Variants in GRM7 observed in about 807,000 individuals in gnomAD.
GRM7 encodes the protein metabotropic glutamate receptor 7.
GRM7 carries 35 observed loss-of-function variants against 84.5 expected under a neutral mutation model. That is an observed-to-expected ratio of 0.41 (90% confidence interval 0.32 to 0.55). The LOEUF (loss-of-function observed/expected upper bound fraction) is 0.55. Ranked by LOEUF, GRM7 falls within the 20% of genes least tolerant of loss-of-function variation. The pLI is 0.19. For synonymous variants in GRM7, 487 were observed against 455.1 expected (o/e 1.07, Z -0.89); for missense variants, 1,003 against 1,194.6 (o/e 0.84, Z 2.36).
chr3:7,192,263 G>A (rs1302609791), intron 2 of GRM7, among the ~76,000 whole-genome samples: 1 of 152,056 alleles, frequency 6.6e-6, no homozygotes, highest in South Asian at 2.1e-4. Flanking sequence ...TCTAATTTAG[G>A]TGGTACAAGG....
intron 2 of GRM7, among the ~76,000 whole-genome samples, chr3:7,158,401 C>T (rs1003144658): frequency 2.6e-5 from 4 of 152,058 alleles, no homozygotes; most frequent in African/African-American, 7.2e-5. Context: ...TTTACTCAAG[C>T]GGTGTCCTCT....
intron 1 of GRM7, among the ~76,000 whole-genome samples, chr3:7,097,577 G>A (rs1416853126): frequency 6.6e-6 from 1 of 151,974 alleles, no homozygotes; most frequent in Non-Finnish European, 1.5e-5. Context: ...AAGAGAATTA[G>A]AATTTCCAAA....
chr3:7,574,932 C>T (rs1313355569), intron 7 of GRM7, among the ~76,000 whole-genome samples: 2 of 141,488 alleles, frequency 1.4e-5, no homozygotes, highest in African/African-American at 2.5e-5. Context: ...TTCCAGACAG[C>T]CTGTCTGTCT....
At chr3:6,989,857 G>A (rs979065809) in intron 1 of GRM7, among the ~76,000 whole-genome samples, 1 of 152,182 alleles carries the variant, frequency 6.6e-6, no homozygotes, top group Non-Finnish European at 1.5e-5. Flanking sequence ...ATAATCTCCC[G>A]AGTGAAAGAG....
intron 1 of GRM7, among the ~76,000 whole-genome samples, chr3:6,973,120 A>T (rs1300716833): frequency 1.3e-5 from 2 of 152,232 alleles, no homozygotes; most frequent in African/African-American, 2.4e-5. Context: ...TGGTAAGGCA[A>T]AAATAAGGTA....
chr3:7,224,014 GTC>G (rs1258643993), intron 2 of GRM7, among the ~76,000 whole-genome samples: 1 of 152,216 alleles, frequency 6.6e-6, no homozygotes, highest in African/African-American at 2.4e-5. Context: ...CCTATTGGAA[GTC>G]TCTCTGGTGT....
At chr3:7,265,121 A>G (rs1276042645) in intron 2 of GRM7, among the ~76,000 whole-genome samples, 113 of 152,230 alleles carry the variant, frequency 7.4e-4, no homozygotes, top group Non-Finnish European at 4.4e-5. Context: ...GACTAGGGAC[A>G]CATTCAAACA....
chr3:7,273,317 T>C (rs1357180915), intron 2 of GRM7, among the ~76,000 whole-genome samples: 4 of 152,130 alleles, frequency 2.6e-5, no homozygotes, highest in Admixed American at 2.6e-4. Context: ...TTGAGAAGAA[T>C]GTACATTTTG....
rs925607484 is a variant in GRM7 at position 7,458,925 on chromosome 3, TTTTA to T, written c.1376-2654_1376-2651del. On this transcript the variant is annotated intron_variant, in intron 6 of 9. Transcript: ENST00000357716. ...TTGCTAATAACATGTGAAATCCAGA[TTTTA>T]TTTCTTCTTCTTATATGCTCGCAAG... Among the ~76,000 whole-genome samples, 7 of 152,354 alleles carry T rather than the reference TTTTA, an allele frequency of 4.6e-5. 1 individual carries two copies. The highest frequency in any genetic ancestry group is 1.7e-4 in the African/African-American group (7 of 41,584).
chr3:7,725,892 T>C (rs554056935), intron 9 of GRM7, among the ~76,000 whole-genome samples: 12 of 151,672 alleles, frequency 7.9e-5, no homozygotes, highest in Admixed American at 1.3e-4. Flanking sequence ...AGATACTTTA[T>C]TGAAAAAAAA....
At chr3:7,509,946 C>T (rs1280840345) in intron 7 of GRM7, among the ~76,000 whole-genome samples, 2 of 152,094 alleles carry the variant, frequency 1.3e-5, no homozygotes, top group Non-Finnish European at 2.9e-5. Context: ...AAAAAGAGAG[C>T]TAAACCTGGA....
chr3:7,554,187 C>A (rs895525781), intron 7 of GRM7, among the ~76,000 whole-genome samples: 1 of 152,174 alleles, frequency 6.6e-6, no homozygotes, highest in Non-Finnish European at 1.5e-5. Flanking sequence ...ATATACAGTC[C>A]TTGAACCTAA....
intron 4 of GRM7, among the ~76,000 whole-genome samples, chr3:7,348,681 A>G (rs535655469): frequency 2.0e-5 from 3 of 152,202 alleles, no homozygotes; most frequent in South Asian, 2.1e-4. Context: ...CACATCAGCA[A>G]TATCGGCATC....
At chr3:6,923,038 CGG>C (rs1697176788) in intron 1 of GRM7, among the ~76,000 whole-genome samples, 1 of 151,574 alleles carries the variant, frequency 6.6e-6, no homozygotes, top group Non-Finnish European at 1.5e-5. Flanking sequence ...TTTTTTGCAA[CGG>C]AGTCTTGCTC....
intron 5 of GRM7, among the ~76,000 whole-genome samples, chr3:7,441,244 T>G (rs953101131): frequency 3.9e-5 from 6 of 152,176 alleles, no homozygotes; most frequent in African/African-American, 1.4e-4. Flanking sequence ...ATTAGTGATG[T>G]TGAGCATTTT....
chr3:6,974,029 C>T (rs1163041751), intron 1 of GRM7, among the ~76,000 whole-genome samples: 2 of 152,126 alleles, frequency 1.3e-5, no homozygotes, highest in South Asian at 2.1e-4. Context: ...GTAGCTCAGA[C>T]CAGAGTGCAA....
chr3:7,152,402 C>G (rs1472676036), intron 2 of GRM7, among the ~76,000 whole-genome samples: 1 of 152,194 alleles, frequency 6.6e-6, no homozygotes, highest in African/African-American at 2.4e-5. Flanking sequence ...CTGGTTTCCT[C>G]TTCCACAGAG....
intron 4 of GRM7, among the ~76,000 whole-genome samples, chr3:7,380,769 A>C (rs559214101): frequency 2.0e-5 from 3 of 152,352 alleles, no homozygotes; most frequent in Non-Finnish European, 1.5e-5. Flanking sequence ...GCACTCTGCC[A>C]GGTCATGAAG....
At chr3:7,504,113 T>TA (rs984363944) in intron 7 of GRM7, among the ~76,000 whole-genome samples, 52 of 152,190 alleles carry the variant, frequency 3.4e-4, no homozygotes, top group Admixed American at 3.0e-3. Flanking sequence ...TGAGACTCAA[T>TA]AAAAAATTTT....
Sources: allele counts gnomAD v4.1 joint callset (sites outside exome capture counted in the v4.1 genomes callset), GRCh38; gene constraint gnomAD v4.1.1; transcripts MANE v1.5; gene names NCBI Gene and HGNC (gene_info 2026-07-23, HGNC 2026-07-21).